The following PLEKHN1 variants were observed in gnomAD, a reference collection of about 807,000 sequenced individuals.
PLEKHN1 encodes pleckstrin homology domain containing N1.
In PLEKHN1, 68 loss-of-function variants were observed where a neutral mutation model predicts 72.8. The ratio of observed to expected loss-of-function variants is 0.93; its 90% CI spans 0.77 to 1.14. The LOEUF (loss-of-function observed/expected upper bound fraction) is 1.14. PLEKHN1 is among the 50% of genes most tolerant of loss of function. The pLI is 0.00. For missense variants in PLEKHN1, 1,015 were observed against 840.5 expected, an observed-to-expected ratio of 1.21 and a Z score of -2.57; for synonymous variants, 454 against 371.6, an observed-to-expected ratio of 1.22 and a Z score of -2.55.
rs201498858 is a variant in PLEKHN1 at position 973,920 on chromosome 1, C to T, written c.1522C>T (p.Arg508Cys). 9.0e-5 allele frequency: 145 copies of T among 1,611,282 alleles called. No individual in the cohort carries two copies. Among genetic ancestry groups the T allele is most frequent in the Non-Finnish European group, 1.1e-4 (132 of 1,179,922 alleles). Reference sequence around the variant, plus strand: ...TGTGTCTGTGCCTGCCTCTGACCCTCGCTCCTGCTCCTCCGGCCCCGCTGG... The same window carrying T: ...TGTGTCTGTGCCTGCCTCTGACCCTTGCTCCTGCTCCTCCGGCCCCGCTGG... Reference protein sequence around the residue: ...VPVSVPASDPRSCSSGPAGPY... With the variant: ...VPVSVPASDPCSCSSGPAGPY... Residue 508 changes from arginine (R) to cysteine (C), a missense_variant, in exon 14 of 16, where the codon CGC becomes TGC. Transcript: ENST00000379410.
chr1:967,103 G>A (rs1309188401), intron 2 of PLEKHN1, among the ~76,000 whole-genome samples: 2 of 152,240 alleles, frequency 1.3e-5, no homozygotes, highest in Non-Finnish European at 2.9e-5. Flanking sequence ...CTCTGTCGCT[G>A]CAGTGGGGCT....
intron 2 of PLEKHN1, 130 bp downstream of exon 2, chr1:966,933 C>T (rs573832851): frequency 1.7e-5 from 17 of 996,732 alleles, no homozygotes; most frequent in Non-Finnish European, 2.0e-5. Context: ...GGTGAGGAGC[C>T]GACGCTGACT....
intron 2 of PLEKHN1, among the ~76,000 whole-genome samples, chr1:968,952 C>T (rs887301682): frequency 2.0e-5 from 3 of 152,116 alleles, no homozygotes; most frequent in African/African-American, 4.8e-5. Flanking sequence ...GCATACGGAG[C>T]GGCCAACACA....
intron 7 of PLEKHN1, 47 bp downstream of exon 7, chr1:971,255 G>C: frequency 6.4e-7 from 1 of 1,557,380 alleles, no homozygotes; most frequent in Non-Finnish European, 8.7e-7. Flanking sequence ...AGGGGTGCAT[G>C]GTGGTGGGCA....
intron 8 of PLEKHN1, 105 bp from the exon 9 acceptor site, chr1:971,970 T>C (rs1366057265): frequency 1.7e-6 from 2 of 1,159,540 alleles, no homozygotes; most frequent in East Asian, 2.4e-5. Context: ...TGCCCAGCTC[T>C]CCAAGTACCC....
At position 974,611 on chromosome 1, in the gene PLEKHN1, G is replaced by C; in HGVS notation, c.*36G>C. On this transcript the variant is annotated 3_prime_UTR_variant, in exon 16 of 16. Transcript: ENST00000379410. ...GAGGTGGGTTCTCAGGACCACCCTCGCCAAGCTCCAGGGTACCTGCCCCTC... is the reference window on the plus strand; with the variant it reads ...GAGGTGGGTTCTCAGGACCACCCTCCCCAAGCTCCAGGGTACCTGCCCCTC... The C allele has an allele frequency of 6.3e-7, 1 of 1,583,370 alleles. No homozygotes were observed. Among genetic ancestry groups the C allele is most frequent in the South Asian group, 1.1e-5 (1 of 88,298 alleles).
At chr1:973,427 C>G (rs988818506) in intron 12 of PLEKHN1, 73 bp from the exon 13 acceptor site, 11 of 1,584,526 alleles carry the variant, frequency 6.9e-6, no homozygotes, top group Non-Finnish European at 9.4e-6. Flanking sequence ...ACCCAGAGGC[C>G]TCTTGCACAG....
chr1:967,535 T>TGG (rs986331408), intron 2 of PLEKHN1, among the ~76,000 whole-genome samples: 7 of 152,044 alleles, frequency 4.6e-5, no homozygotes, highest in Non-Finnish European at 1.0e-4. Context: ...CCTGGATGGG[T>TGG]GGGCTCCGCT....
chr1:973,580 C>T lies in PLEKHN1; in HGVS notation c.1374C>T (p.Asp458=), dbSNP rs1557652587. 6.2e-7 allele frequency: 1 copy of T among 1,613,256 alleles called. No individual in the cohort carries two copies. The highest frequency in any genetic ancestry group is 2.2e-5 in the East Asian group (1 of 44,864). The change falls in exon 13 of 16, where the codon GAC becomes GAT. Residue 458 remains aspartate (D), a synonymous_variant. Coordinates refer to ENST00000379410, the MANE Select transcript of PLEKHN1 (RefSeq NM_032129.3). ...SETSHSPLYA[D]PYTPPATSHR... is the part of the protein sequence containing the mutation. ...CATCACACTCGCCCCTCTATGCCGA[C>T]CCCTACACACCACCCGCCACCTCCC...
intron 12 of PLEKHN1, 40 bp downstream of exon 12, chr1:973,366 C>A: frequency 6.4e-7 from 1 of 1,552,636 alleles, no homozygotes; most frequent in Non-Finnish European, 8.7e-7. Context: ...GCCTGGTTCC[C>A]ACCGTTCCGC....
Position 973,532 on chromosome 1 carries a change from T to C in PLEKHN1, c.1326T>C (p.Asp442=). The C allele has an allele frequency of 6.2e-7, 1 of 1,613,234 alleles. No individual in the cohort carries two copies. Among genetic ancestry groups the C allele is most frequent in the Non-Finnish European group, 8.5e-7 (1 of 1,179,966 alleles). ...GGCTGAGCCTGGAGAGCAGCCCAGA[T>C]GCCCCTGACCACACTTCGGAAACAT... ...LHRLSLESSP[D]APDHTSETSH... Residue 442 remains aspartate (D), a synonymous_variant, in exon 13 of 16, where the codon GAT becomes GAC. Transcript: ENST00000379410.
chr1:966,622 G>C lies in PLEKHN1; in HGVS notation c.83+8G>C, dbSNP rs1445297297. Reference sequence around the variant, plus strand: ...CTCGCTGAAGGGAAACAGGTGAGCGGGGCGTGGGTGCGGCCACCTGGGCGC... The same window carrying C: ...CTCGCTGAAGGGAAACAGGTGAGCGCGGCGTGGGTGCGGCCACCTGGGCGC... On this transcript the variant is annotated splice_region_variant and intron_variant, in intron 1 of 15. Transcript: ENST00000379410. 3.7e-6 allele frequency: 6 copies of C among 1,606,392 alleles called. No individual in the cohort carries two copies. In the East Asian group the frequency reaches 9.0e-5, roughly 24 times the overall value.
At chr1:966,967 G>A (rs1182784704) in intron 2 of PLEKHN1, among the ~76,000 whole-genome samples, 164 bp downstream of exon 2, 1 of 152,222 alleles carries the variant, frequency 6.6e-6, no homozygotes, top group Admixed American at 6.5e-5. Flanking sequence ...GAGCTCATCC[G>A]GCCGAAAGTC....
In PLEKHN1 at chr1:973,271, A is replaced by C; in HGVS notation, c.1238A>C (p.Lys413Thr). The change falls in exon 12 of 16, where the codon AAG becomes ACG. Residue 413 changes from lysine (K) to threonine (T), a missense_variant. Physicochemically the swap from Lys to Thr is moderately conservative, Grantham distance 78. Transcript: ENST00000379410. ...RSGSSRSPGSKARAEGRGPVT... is the reference protein window; with the variant it reads ...RSGSSRSPGSTARAEGRGPVT... ...GGCAGCAGCCGGTCACCCGGGAGCA[A>C]GGCCCGGGCAGAGGGCCGCGGCCCT... 6.5e-7 allele frequency: 1 copy of C among 1,542,590 alleles called. No homozygotes were observed. Among genetic ancestry groups the C allele is most frequent in the Non-Finnish European group, 8.8e-7 (1 of 1,140,786 alleles).
chr1:970,327 G>A lies in PLEKHN1; in HGVS notation c.234G>A (p.Leu78=), dbSNP rs1229610360. ...GAGAAAACCTGGAGCAGCCATTCCT[G>A]AGTGTGTTCAAGAAGGGGCGGCGGA... ...NQRENLEQPF[L]SVFKKGRRRV... is the part of the protein sequence containing the mutation. The change falls in exon 3 of 16, where the codon CTG becomes CTA. Residue 78 remains leucine, a synonymous_variant. Transcript: ENST00000379410. This position sits in a 1 kb window ranked among gnomAD's most constrained non-coding sequence, Gnocchi z 4.2. 8 of 1,613,592 alleles carry A rather than the reference G, an allele frequency of 5.0e-6. No homozygotes were observed. Among genetic ancestry groups the A allele is most frequent in the South Asian group, 1.1e-5 (1 of 91,084 alleles).
In PLEKHN1 at chr1:971,592, A is replaced by G; in HGVS notation, c.789+188A>G. On this transcript the variant is annotated intron_variant, in intron 8 of 15. Transcript: ENST00000379410. ...CATGGAGGAGCCCCTGCCCGCCCTG[A>G]GGTTCTCACCCTGAGGTTCTTGACC... 6.3e-6 allele frequency: 4 copies of G among 630,856 alleles called. 1 individual carries two copies. In the South Asian group the frequency reaches 7.4e-5, roughly 12 times the overall value. The allele number at this position is 630,856 out of a possible 1,614,324, so 39.1% of individuals were successfully genotyped here. A position where few individuals can be genotyped will look rare whatever the true frequency, so the allele number is the denominator to read the frequency against.
intron 2 of PLEKHN1, 113 bp downstream of exon 2, chr1:966,916 CCCGG>C (rs1643022132): frequency 8.4e-7 from 1 of 1,192,048 alleles, no homozygotes; most frequent in Non-Finnish European, 1.1e-6. Context: ...GCGTTCAGAC[CCCGG>C]TAGGTGAGGA....
At chr1:969,666 A>G (rs960055665) in intron 2 of PLEKHN1, among the ~76,000 whole-genome samples, 5 of 98,560 alleles carry the variant, frequency 5.1e-5, no homozygotes, top group South Asian at 4.1e-4. Flanking sequence ...ATCCATGCAT[A>G]TGTGTGCGTG....
Position 972,330 on chromosome 1 carries a change from A to G in PLEKHN1, c.908A>G (p.Glu303Gly), listed in dbSNP as rs1643379859. The G allele has an allele frequency of 1.9e-6, 3 of 1,612,564 alleles. No individual in the cohort carries two copies. The highest frequency in any genetic ancestry group is 1.1e-5 in the South Asian group (1 of 91,068). The change falls in exon 10 of 16, where the codon GAG becomes GGG. Residue 303 changes from glutamate (E) to glycine (G), a missense_variant. Coordinates refer to ENST00000379410, the MANE Select transcript of PLEKHN1 (RefSeq NM_032129.3). ...NTIRVVCASY[E>G]DYGHWLLCLR... ...ATCCGCGTGGTGTGCGCCAGCTACG[A>G]GGACTACGGTCACTGGCTGCTGTGC...
Sources: allele counts gnomAD v4.1 joint callset (sites outside exome capture counted in the v4.1 genomes callset), GRCh38; gene constraint gnomAD v4.1.1; non-coding constraint Gnocchi (gnomAD v3.1); transcripts MANE v1.5; gene names NCBI Gene and HGNC (gene_info 2026-07-23, HGNC 2026-07-21).